CMTM7: variants seen among roughly 807,000 people sequenced by gnomAD.
CMTM7 encodes the protein CKLF-like MARVEL transmembrane domain-containing protein 7.
A neutral mutation model predicts 19.3 loss-of-function variants in CMTM7; 7 were observed. That is an observed-to-expected ratio of 0.36 (90% confidence interval 0.21 to 0.68). The LOEUF (loss-of-function observed/expected upper bound fraction) is 0.68, where lower values mean the gene tolerates loss of function less well. Among genes scored for constraint, CMTM7 ranks in the 30% least tolerant of loss-of-function variants. The pLI, the probability that CMTM7 is intolerant of heterozygous loss-of-function variation, is 0.60. For synonymous variants in CMTM7, 87 were observed against 99.3 expected (o/e 0.88, Z 0.74); for missense variants, 193 against 232.6 (o/e 0.83, Z 1.11).
intron 1 of CMTM7, among the ~76,000 whole-genome samples, chr3:32,397,473 G>A (rs565589189): frequency 4.7e-4 from 72 of 152,150 alleles, no homozygotes; most frequent in African/African-American, 1.7e-3. Flanking sequence ...GGTGGCTCAC[G>A]CCTGTAATCC....
At chr3:32,397,470 C>T (rs1417435845) in intron 1 of CMTM7, among the ~76,000 whole-genome samples, 1 of 152,096 alleles carries the variant, frequency 6.6e-6, no homozygotes, top group Non-Finnish European at 1.5e-5. Flanking sequence ...TGTGGTGGCT[C>T]ACGCCTGTAA....
rs968494521 is a variant in CMTM7, at chr3:32,428,642, T to C, written c.160-13198T>C. 2.6e-5 allele frequency among the ~76,000 whole-genome samples: 4 copies of C among 152,358 alleles called. No individual in the cohort carries two copies. In the East Asian group the frequency reaches 5.8e-4, roughly 22 times the overall value. On this transcript the variant is annotated intron_variant, in intron 1 of 4. Coordinates refer to ENST00000334983, the MANE Select transcript of CMTM7 (RefSeq NM_138410.4). ...GTGTGAGCCCTTTTGCTCCTTTTTC[T>C]GCTTACATAACATCTTTGTTTGGCT...
intron 1 of CMTM7, among the ~76,000 whole-genome samples, chr3:32,438,327 C>T (rs1184932210): frequency 6.6e-6 from 1 of 152,014 alleles, no homozygotes; most frequent in Non-Finnish European, 1.5e-5. Flanking sequence ...GTGTAGGTTT[C>T]TTATATGGTA....
intron 1 of CMTM7, among the ~76,000 whole-genome samples, chr3:32,419,558 A>AGTTTTGTTTT (rs56263525): frequency 1.5e-4 from 22 of 151,338 alleles, no homozygotes; most frequent in African/African-American, 4.9e-4. Flanking sequence ...GCTTGCTGAA[A>AGTTTTGTTTT]GTTTTGTTTT....
intron 2 of CMTM7, among the ~76,000 whole-genome samples, chr3:32,445,813 G>A (rs1189485893): frequency 6.6e-6 from 1 of 152,128 alleles, no homozygotes; most frequent in Non-Finnish European, 1.5e-5. Context: ...CCCACACCTG[G>A]CCTGGTTTGT....
chr3:32,432,552 C>A (rs1388880707), intron 1 of CMTM7, among the ~76,000 whole-genome samples: 1 of 152,222 alleles, frequency 6.6e-6, no homozygotes, highest in Non-Finnish European at 1.5e-5. Context: ...GAAGAGGTGC[C>A]TGCTGAGCCG....
At chr3:32,405,295 A>G (rs1057429491) in intron 1 of CMTM7, among the ~76,000 whole-genome samples, 12 of 152,230 alleles carry the variant, frequency 7.9e-5, no homozygotes, top group African/African-American at 2.4e-4. Flanking sequence ...GCAGTAGATA[A>G]CTAACGCAGT....
chr3:32,417,146 CAT>C (rs1333661083), intron 1 of CMTM7, among the ~76,000 whole-genome samples: 3 of 152,184 alleles, frequency 2.0e-5, no homozygotes, highest in Non-Finnish European at 2.9e-5. Flanking sequence ...TTGACAAATG[CAT>C]AGAGTTATAG....
At chr3:32,442,129 G>A in intron 2 of CMTM7, 116 bp downstream of exon 2, 1 of 916,994 alleles carries the variant, frequency 1.1e-6, no homozygotes, top group Non-Finnish European at 1.7e-6. Context: ...ACCATTCTTT[G>A]CTGCCTCTGC....
At chr3:32,416,920 TCTAA>T (rs766561169) in intron 1 of CMTM7, among the ~76,000 whole-genome samples, 1 of 152,204 alleles carries the variant, frequency 6.6e-6, no homozygotes, top group Non-Finnish European at 1.5e-5. Flanking sequence ...TTCTTCACAA[TCTAA>T]CTGTCATTCC....
intron 1 of CMTM7, among the ~76,000 whole-genome samples, chr3:32,395,421 A>G (rs899965728): frequency 6.6e-6 from 1 of 152,162 alleles, no homozygotes; most frequent in Non-Finnish European, 1.5e-5. Context: ...GTGAAGTAAC[A>G]TGTTTGATAG....
chr3:32,412,214 G>A (rs1559404085), intron 1 of CMTM7, among the ~76,000 whole-genome samples: 1 of 151,944 alleles, frequency 6.6e-6, no homozygotes, highest in Non-Finnish European at 1.5e-5. Flanking sequence ...CCTGGGTGTG[G>A]TGGCTCACAC....
At chr3:32,406,284 T>C (rs1431842617) in intron 1 of CMTM7, among the ~76,000 whole-genome samples, 4 of 152,232 alleles carry the variant, frequency 2.6e-5, no homozygotes, top group Non-Finnish European at 4.4e-5. Flanking sequence ...CTCCCTTTTG[T>C]TATCTAGCCG....
At chr3:32,401,236 G>C (rs1695997533) in intron 1 of CMTM7, among the ~76,000 whole-genome samples, 1 of 152,200 alleles carries the variant, frequency 6.6e-6, no homozygotes, top group Non-Finnish European at 1.5e-5. Context: ...CTTGCGGAAG[G>C]CCTTACCTAT....
At position 32,449,821 on chromosome 3, in the gene CMTM7, G is replaced by C. The variant is rs114873137; in HGVS notation, c.432+269G>C. 0.021 allele frequency among the ~76,000 whole-genome samples: 3,160 copies of C among 152,246 alleles called. 53 individuals are homozygous for C. Among genetic ancestry groups the C allele is most frequent in the South Asian group, 0.041 (200 of 4,820 alleles). On this transcript the variant is annotated intron_variant, in intron 3 of 4. Transcript: ENST00000334983. This position sits in a 1 kb window ranked among gnomAD's most constrained non-coding sequence, Gnocchi z 4.5. ...AGGCACTACTGAAATCAGGGGGCCAGGCGGGTTTTAATTCACACACCCACT... is the reference window on the plus strand; with the variant it reads ...AGGCACTACTGAAATCAGGGGGCCACGCGGGTTTTAATTCACACACCCACT...
At chr3:32,416,950 T>C (rs1473602068) in intron 1 of CMTM7, among the ~76,000 whole-genome samples, 1 of 152,230 alleles carries the variant, frequency 6.6e-6, no homozygotes, top group Admixed American at 6.5e-5. Context: ...AGTGTCATTG[T>C]GTGGTTTCTC....
intron 1 of CMTM7, among the ~76,000 whole-genome samples, chr3:32,426,080 G>A (rs1290376286): frequency 1.3e-5 from 2 of 152,216 alleles, no homozygotes; most frequent in Admixed American, 6.5e-5. Flanking sequence ...GGGAGGCAGA[G>A]TTTGCGGTGA....
At chr3:32,425,983 T>C (rs1358503575) in intron 1 of CMTM7, among the ~76,000 whole-genome samples, 2 of 152,044 alleles carry the variant, frequency 1.3e-5, no homozygotes, top group African/African-American at 4.8e-5. Context: ...CCATCTCTAC[T>C]AAAAATATGA....
chr3:32,441,708 A>G (rs1446244894), intron 1 of CMTM7, 132 bp from the exon 2 acceptor site: 4 of 753,844 alleles, frequency 5.3e-6, no homozygotes, highest in Non-Finnish European at 8.9e-6. Flanking sequence ...GTGTATGGAA[A>G]TAACCTGAAT....
Sources: gnomAD v4.1 joint callset for allele counts (sites outside exome capture counted in the v4.1 genomes callset) on GRCh38, gnomAD v4.1.1 for gene constraint, Gnocchi (gnomAD v3.1) non-coding constraint, MANE v1.5 for transcripts, NCBI Gene and HGNC (gene_info 2026-07-23, HGNC 2026-07-21) for gene names.